SOX6: variants seen among roughly 807,000 people sequenced by gnomAD.
SOX6 encodes the protein SRY-box transcription factor 6.
A neutral mutation model predicts 97.8 loss-of-function variants in SOX6; 11 were observed. The observed-to-expected ratio is 0.11, with a 90% confidence interval of 0.07 to 0.19. The LOEUF (loss-of-function observed/expected upper bound fraction) is 0.19, where lower values mean the gene tolerates loss of function less well. SOX6 is among the 10% of genes least tolerant of loss of function. The pLI is 1.00. For synonymous variants in SOX6, 360 were observed against 371.4 expected, an observed-to-expected ratio of 0.97 and a Z score of 0.35; for missense variants, 810 against 1,039.5, an observed-to-expected ratio of 0.78 and a Z score of 3.04.
At chr11:16,212,058 T>C (rs1268631570) in intron 4 of SOX6, among the ~76,000 whole-genome samples, 1 of 152,158 alleles carries the variant, frequency 6.6e-6, no homozygotes, top group Admixed American at 6.5e-5. Context: ...CCTCCTCCAG[T>C]TGACTGAAGG....
rs1306022631 is a variant in SOX6, at chr11:15,971,555, G to A, written c.*1254C>T. The A allele has an allele frequency of 6.6e-6, 1 of 152,604 alleles. No homozygotes were observed. Among genetic ancestry groups the A allele is most frequent in the Non-Finnish European group, 1.5e-5 (1 of 68,074 alleles). 9.5% of individuals were successfully genotyped at this position (152,604 alleles called of 1,614,324 possible). Reference sequence around the variant, plus strand: ...GGAAAATTCTGGCAAAAGACTTGAGGTCACAGTGAACCTCAGGGGCATACC... The same window carrying A: ...GGAAAATTCTGGCAAAAGACTTGAGATCACAGTGAACCTCAGGGGCATACC... On this transcript the variant is annotated 3_prime_UTR_variant, in exon 16 of 16. Transcript: ENST00000683767.
chr11:16,068,916 T>TTGTAA (rs1367065034), intron 9 of SOX6, among the ~76,000 whole-genome samples: 2 of 152,232 alleles, frequency 1.3e-5, no homozygotes. Context: ...ACCCTGAGGC[T>TTGTAA]TATTTATCTT....
chr11:16,483,945 CT>C (rs756153707), intron 4 of SOX6: 13 of 862,466 alleles, frequency 1.5e-5, no homozygotes, highest in Non-Finnish European at 2.6e-5. Flanking sequence ...AGATCAGGAC[CT>C]GGGCTGTAGT....
intron 3 of SOX6, among the ~76,000 whole-genome samples, chr11:16,692,228 G>C (rs1848021422): frequency 6.6e-6 from 1 of 152,148 alleles, no homozygotes; most frequent in Admixed American, 6.6e-5. Context: ...GCACCACCAT[G>C]CCCAACTAAT....
intron 1 of SOX6, among the ~76,000 whole-genome samples, chr11:16,433,240 C>T (rs575660126): frequency 1.7e-4 from 26 of 151,928 alleles, no homozygotes; most frequent in Non-Finnish European, 2.9e-4. Context: ...CACATCCATT[C>T]GTTATTTTTC....
At chr11:16,696,049 T>C (rs1283163164) in intron 3 of SOX6, among the ~76,000 whole-genome samples, 1 of 152,100 alleles carries the variant, frequency 6.6e-6, no homozygotes, top group Non-Finnish European at 1.5e-5. Context: ...ACAAACAGAA[T>C]CCAACAACTA....
Position 16,341,047 on chromosome 11 carries a change from C to G in SOX6, c.202G>C (p.Asp68His). ...TGAGATGACAGAACGCTGTCCCAGTCAGCATCTTGTTGAATGGTACTGACA... is the reference window on the plus strand; with the variant it reads ...TGAGATGACAGAACGCTGTCCCAGTGAGCATCTTGTTGAATGGTACTGACA... ...TLVSTIQQDADWDSVLSSQQR... is the reference protein window; with the variant it reads ...TLVSTIQQDAHWDSVLSSQQR... The change falls in exon 2 of 16, where the codon GAC (aspartate) becomes CAC (histidine). Residue 68 changes from aspartate to histidine, a missense_variant. By Grantham distance (81) the Asp-to-His change is moderately conservative (BLOSUM62 -1). This residue lies in a region of SOX6 where 100 missense variants were observed against 94.6 expected (regional missense o/e 1.06). Coordinates refer to ENST00000683767, the MANE Select transcript of SOX6 (RefSeq NM_001367873.1). 6.2e-7 allele frequency: 1 copy of G among 1,613,406 alleles called. No homozygotes were observed. The highest frequency in any genetic ancestry group is 1.1e-5 in the South Asian group (1 of 91,070).
At chr11:16,079,109 G>T (rs960432999) in intron 9 of SOX6, among the ~76,000 whole-genome samples, 1 of 152,136 alleles carries the variant, frequency 6.6e-6, no homozygotes, top group Non-Finnish European at 1.5e-5. Flanking sequence ...AGAATCTGGA[G>T]ATATGCCAGG....
chr11:16,423,298 T>C (rs1221546172), intron 1 of SOX6, among the ~76,000 whole-genome samples: 1 of 152,172 alleles, frequency 6.6e-6, no homozygotes, highest in African/African-American at 2.4e-5. Context: ...AGGTGTCTCT[T>C]CAAATCTTTC....
intron 12 of SOX6, among the ~76,000 whole-genome samples, chr11:16,018,867 T>C (rs1362323978): frequency 6.6e-6 from 1 of 152,098 alleles, no homozygotes; most frequent in African/African-American, 2.4e-5. Context: ...AAGACCATAA[T>C]GTAAACTGGG....
intron 9 of SOX6, among the ~76,000 whole-genome samples, chr11:16,060,379 A>G (rs762995313): frequency 1.3e-5 from 2 of 151,898 alleles, no homozygotes; most frequent in African/African-American, 2.4e-5. Context: ...CTGATACATT[A>G]GAGAAAGGAA....
intron 4 of SOX6, among the ~76,000 whole-genome samples, chr11:16,522,276 G>A (rs1396245184): frequency 1.3e-5 from 2 of 152,118 alleles, no homozygotes; most frequent in African/African-American, 2.4e-5. Flanking sequence ...ACTAACAGCG[G>A]ATCTCTTGGC....
At chr11:16,551,831 C>T (rs1325762978) in intron 4 of SOX6, among the ~76,000 whole-genome samples, 1 of 152,046 alleles carries the variant, frequency 6.6e-6, no homozygotes, top group African/African-American at 2.4e-5. Context: ...TCTTGAACTC[C>T]TGACCTCAGG....
intron 3 of SOX6, among the ~76,000 whole-genome samples, chr11:16,250,697 A>G (rs909906750): frequency 2.6e-5 from 4 of 152,074 alleles, no homozygotes; most frequent in Admixed American, 2.0e-4. Context: ...AACATAAACC[A>G]AAGCTGACAA....
intron 12 of SOX6, among the ~76,000 whole-genome samples, chr11:16,022,082 A>T (rs975370683): frequency 1.3e-5 from 2 of 152,138 alleles, no homozygotes; most frequent in African/African-American, 4.8e-5. Flanking sequence ...AATGGAATAG[A>T]CAATGCTCAT....
At chr11:16,486,584 GGTGCGGTGGCTCACGCCT>G (rs1335561789) in intron 4 of SOX6, among the ~76,000 whole-genome samples, 1 of 152,142 alleles carries the variant, frequency 6.6e-6, no homozygotes, top group Non-Finnish European at 1.5e-5. Context: ...ATTGTGGCTG[GGTGCGGTGGCTCACGCCT>G]GTAATCCCAA....
chr11:16,081,340 C>T (rs944741009), intron 9 of SOX6, among the ~76,000 whole-genome samples: 1 of 152,074 alleles, frequency 6.6e-6, no homozygotes, highest in Non-Finnish European at 1.5e-5. Context: ...AGAAATCACC[C>T]TTGGCTCTTC....
chr11:16,614,478 C>CTGAG (rs1245199916), intron 3 of SOX6, among the ~76,000 whole-genome samples: 1 of 152,172 alleles, frequency 6.6e-6, no homozygotes, highest in Admixed American at 6.5e-5. Context: ...ATCAGTCCTT[C>CTGAG]TGAGTGTCTA....
intron 1 of SOX6, among the ~76,000 whole-genome samples, chr11:16,346,957 C>T (rs557867347): frequency 1.3e-5 from 2 of 152,168 alleles, no homozygotes; most frequent in African/African-American, 4.8e-5. Flanking sequence ...GGAACAGATT[C>T]TTCTTAAGTC....
Sources: allele counts gnomAD v4.1 joint callset (sites outside exome capture counted in the v4.1 genomes callset), GRCh38; gene constraint gnomAD v4.1.1; regional missense constraint gnomAD v4.1.1; transcripts MANE v1.5; gene names NCBI Gene and HGNC (gene_info 2026-07-23, HGNC 2026-07-21).